THSD4: variants seen among roughly 807,000 people sequenced by gnomAD.
THSD4 encodes the protein thrombospondin type-1 domain-containing protein 4.
Under a neutral mutation model 119.0 loss-of-function variants are expected in THSD4, and 69 were observed. The observed-to-expected ratio is 0.58, with a 90% confidence interval of 0.48 to 0.71. The LOEUF is 0.71. Ranked by LOEUF, THSD4 falls within the 30% of genes least tolerant of loss-of-function variation. The pLI is 0.00. For missense variants in THSD4, 1,393 were observed against 1,391.1 expected (o/e 1.00, Z -0.02); for synonymous variants, 524 against 540.4 (o/e 0.97, Z 0.42).
At chr15:71,259,622 T>G (rs2044366447) in intron 6 of THSD4, among the ~76,000 whole-genome samples, 1 of 152,180 alleles carries the variant, frequency 6.6e-6, no homozygotes, top group South Asian at 2.1e-4. Flanking sequence ...TCAGAATCAC[T>G]GAGGAGCCTC....
At chr15:71,110,844 A>G (rs2040298721), upstream of THSD4, 2 of 366,276 alleles carry the variant, frequency 5.5e-6, no homozygotes. Flanking sequence ...GTTGGCTTCA[A>G]TAAATGAAGG....
intron 9 of THSD4, chr15:71,729,478 A>C (rs2052930542): frequency 6.6e-6 from 1 of 152,212 alleles, no homozygotes; most frequent in Admixed American, 6.5e-5. Flanking sequence ...GAGCTGATTA[A>C]CATATTTGCT....
chr15:71,756,389 A>C (rs2625532), intron 14 of THSD4, among the ~76,000 whole-genome samples: 4,662 of 152,304 alleles, frequency 0.031, 235 homozygotes, highest in African/African-American at 0.11. Flanking sequence ...TTGAAAGCAA[A>C]TCAGAAAAAT....
At chr15:71,343,727 T>TTTG (rs1405038172) in intron 6 of THSD4, among the ~76,000 whole-genome samples, 1 of 151,280 alleles carries the variant, frequency 6.6e-6, no homozygotes, top group Non-Finnish European at 1.5e-5. Flanking sequence ...TTTTTTTTTT[T>TTTG]TTTTTTGAGA....
At chr15:71,541,737 A>G (rs1178066204) in intron 7 of THSD4, among the ~76,000 whole-genome samples, 1 of 152,218 alleles carries the variant, frequency 6.6e-6, no homozygotes, top group Admixed American at 6.5e-5. Flanking sequence ...TTTGGTGCTT[A>G]TGAACAATTT....
intron 7 of THSD4, among the ~76,000 whole-genome samples, chr15:71,594,465 C>A (rs1227549612): frequency 6.7e-6 from 1 of 150,278 alleles, no homozygotes; most frequent in Non-Finnish European, 1.5e-5. Context: ...CCTCGGCCTC[C>A]CCTCTTAGTA....
At position 71,603,319 on chromosome 15, in the gene THSD4, G is replaced by A. The variant is rs184950684; in HGVS notation, c.1153-57211G>A. On this transcript the variant is annotated intron_variant, in intron 7 of 17. Transcript: ENST00000261862. ...GGGATCCTGCTAATGGGCCCCCACC[G>A]CACAGATTGAACACCAGGTCACCAC... Among the ~76,000 whole-genome samples, 549 of 152,238 alleles carry A rather than the reference G, an allele frequency of 3.6e-3. 2 individuals are homozygous for A. Among genetic ancestry groups the A allele is most frequent in the Non-Finnish European group, 6.3e-3 (430 of 68,008 alleles).
In THSD4 at chr15:71,499,090, G is replaced by A. The variant is rs76944562; in HGVS notation, c.1152+87267G>A. On this transcript the variant is annotated intron_variant, in intron 7 of 17. Coordinates refer to ENST00000261862, the MANE Select transcript of THSD4 (RefSeq NM_024817.3). ...TGATGACAAATCAATTCTAAGTGCT[G>A]TAGCTTGGCATTGATCAGATGGGTC... is the stretch of plus-strand genomic sequence containing the variant. Among the ~76,000 whole-genome samples, 48 of 152,204 alleles carry A rather than the reference G, an allele frequency of 3.2e-4. No homozygotes were observed. The East Asian group carries it at 8.1e-3, about 26-fold the overall frequency.
intron 7 of THSD4, among the ~76,000 whole-genome samples, chr15:71,650,418 A>G (rs911632221): frequency 1.3e-5 from 2 of 152,166 alleles, no homozygotes; most frequent in Non-Finnish European, 2.9e-5. Context: ...CAAGACTTCT[A>G]AAATGCCCCA....
chr15:71,499,501 A>T (rs1237288929), intron 7 of THSD4, among the ~76,000 whole-genome samples: 3 of 31,878 alleles, frequency 9.4e-5, no homozygotes, highest in African/African-American at 3.5e-4. Context: ...TTATTATGGT[A>T]AAAAAAAAAA....
At chr15:71,671,413 A>AT (rs2141014147) in intron 8 of THSD4, among the ~76,000 whole-genome samples, 1 of 151,960 alleles carries the variant, frequency 6.6e-6, no homozygotes, top group South Asian at 2.1e-4. Context: ...GATTGGAAAA[A>AT]TTTTTTCCCA....
In THSD4 at chr15:71,661,292, C is replaced by G. The variant is rs937562793; in HGVS notation, c.1357+558C>G. Among the ~76,000 whole-genome samples the G allele has an allele frequency of 3.9e-5, 6 of 152,316 alleles. No homozygotes were observed. The East Asian group carries it at 1.2e-3, about 29-fold the overall frequency. ...TCAATACTGAGAGGCCAATTTTAAC[C>G]CATTTTTCTACAAAAGATCTTTGTT... On this transcript the variant is annotated intron_variant, in intron 8 of 17. Transcript: ENST00000261862.
chr15:71,394,939 G>GA (rs1458361136), intron 6 of THSD4, among the ~76,000 whole-genome samples: 1 of 152,198 alleles, frequency 6.6e-6, no homozygotes, highest in African/African-American at 2.4e-5. Flanking sequence ...GGCTTCCCAG[G>GA]AGTCGTAGGT....
At chr15:71,725,429 C>T (rs2052814253) in intron 8 of THSD4, among the ~76,000 whole-genome samples, 1 of 152,110 alleles carries the variant, frequency 6.6e-6, no homozygotes, top group Non-Finnish European at 1.5e-5. Context: ...GGAAATTGCT[C>T]ATGAAAGGAA....
At chr15:71,429,655 T>G (rs2046916610) in intron 7 of THSD4, among the ~76,000 whole-genome samples, 1 of 152,192 alleles carries the variant, frequency 6.6e-6, no homozygotes, top group Admixed American at 6.5e-5. Flanking sequence ...GTTGCTTCTT[T>G]AGCACATCAA....
chr15:71,377,867 A>AACACACACACAC lies in THSD4; in HGVS notation c.1016-33784_1016-33773dup, dbSNP rs376497737. Among the ~76,000 whole-genome samples the AACACACACACAC allele has an allele frequency of 7.6e-4, 66 of 86,338 alleles. 1 individual carries two copies. The highest frequency in any genetic ancestry group is 2.6e-3 in the African/African-American group (61 of 23,172). The allele number at this position is 86,338 out of a possible 152,430, so 56.6% of individuals were successfully genotyped here. On this transcript the variant is annotated intron_variant, in intron 6 of 17. Transcript: ENST00000261862. ...CTTCTCTATTCCCGGACATATCCAC[A>AACACACACACAC]ACACACACACACACACACACACACA...
intron 6 of THSD4, among the ~76,000 whole-genome samples, chr15:71,371,149 C>G (rs1302626548): frequency 6.6e-6 from 1 of 152,108 alleles, no homozygotes. Context: ...TCCTCCATCC[C>G]TTTATTTTGA....
intron 3 of THSD4, among the ~76,000 whole-genome samples, chr15:71,212,134 T>G (rs999997255): frequency 1.3e-5 from 2 of 152,176 alleles, no homozygotes; most frequent in African/African-American, 4.8e-5. Context: ...ATTTTTTCTT[T>G]GATTGGCTTT....
At chr15:71,313,844 A>G (rs1252802112) in intron 6 of THSD4, among the ~76,000 whole-genome samples, 1 of 152,176 alleles carries the variant, frequency 6.6e-6, no homozygotes, top group Non-Finnish European at 1.5e-5. Context: ...TGCTGGTATC[A>G]TTACTGGCAT....
Sources: gnomAD v4.1 joint callset for allele counts (sites outside exome capture counted in the v4.1 genomes callset) on GRCh38, gnomAD v4.1.1 for gene constraint, MANE v1.5 for transcripts, NCBI Gene and HGNC (gene_info 2026-07-23, HGNC 2026-07-21) for gene names.